Variants in DNAJC2 observed in about 807,000 individuals in gnomAD.
DNAJC2 encodes dnaJ homolog subfamily C member 2.
DNAJC2 carries 32 observed loss-of-function variants against 94.0 expected under a neutral mutation model. The ratio of observed to expected loss-of-function variants is 0.34; its 90% CI spans 0.26 to 0.46. The LOEUF (loss-of-function observed/expected upper bound fraction) is 0.46, where lower values mean the gene tolerates loss of function less well. DNAJC2 is among the 20% of genes least tolerant of loss of function. DNAJC2 has a pLI of 1.00. For synonymous variants in DNAJC2, 210 were observed against 229.7 expected (o/e 0.91, Z 0.77); for missense variants, 550 against 719.5 (o/e 0.76, Z 2.69).
chr7:103,337,874 G>A, intron 2 of DNAJC2, 63 bp from the exon 3 acceptor site: 1 of 1,197,544 alleles, frequency 8.4e-7, no homozygotes, highest in Non-Finnish European at 1.2e-6. Context: ...CATCCCTTGT[G>A]TTCTGGTACC....
At chr7:103,318,799 TA>T (rs1222345027) in intron 12 of DNAJC2, among the ~76,000 whole-genome samples, 1 of 152,212 alleles carries the variant, frequency 6.6e-6, no homozygotes, top group Non-Finnish European at 1.5e-5. Context: ...TCAAAACAAT[TA>T]TTTTTTTCTA....
At chr7:103,317,849 T>C (rs1818156889) in intron 12 of DNAJC2, among the ~76,000 whole-genome samples, 1 of 152,132 alleles carries the variant, frequency 6.6e-6, no homozygotes, top group Non-Finnish European at 1.5e-5. Flanking sequence ...TGGGGTTTCA[T>C]CATGTTGGCC....
intron 1 of DNAJC2, among the ~76,000 whole-genome samples, chr7:103,342,388 C>A (rs921266936): frequency 6.6e-6 from 1 of 151,612 alleles, no homozygotes; most frequent in African/African-American, 2.4e-5. Flanking sequence ...TCAATGCCGT[C>A]TCCACCTCCC....
intron 12 of DNAJC2, among the ~76,000 whole-genome samples, chr7:103,319,079 G>C (rs574361935): frequency 6.6e-6 from 1 of 152,178 alleles, no homozygotes; most frequent in South Asian, 2.1e-4. Flanking sequence ...GGGCATGGTG[G>C]CACACACCTG....
At chr7:103,343,317 A>C (rs1216179883) in intron 1 of DNAJC2, among the ~76,000 whole-genome samples, 1 of 152,244 alleles carries the variant, frequency 6.6e-6, no homozygotes, top group African/African-American at 2.4e-5. Flanking sequence ...AACTGTCTTA[A>C]TTATTAAAAT....
intron 3 of DNAJC2, among the ~76,000 whole-genome samples, chr7:103,332,365 T>G (rs1190413520): frequency 6.6e-6 from 1 of 152,212 alleles, no homozygotes; most frequent in Non-Finnish European, 1.5e-5. Context: ...TAATAGGAAT[T>G]GTTTGTAGGA....
chr7:103,340,034 C>T (rs1303866275), intron 2 of DNAJC2, among the ~76,000 whole-genome samples: 1 of 152,158 alleles, frequency 6.6e-6, no homozygotes, highest in Non-Finnish European at 1.5e-5. Flanking sequence ...GATGGGGTTT[C>T]ACCATGTTGG....
chr7:103,314,145 G>A (rs2115754535), intron 15 of DNAJC2: 1 of 985,390 alleles, frequency 1.0e-6, no homozygotes. Context: ...TTAAGTTCTA[G>A]GAAGTCTTTT....
At chr7:103,321,826 C>T (rs539679086) in intron 10 of DNAJC2, 106 bp downstream of exon 10, 31 of 1,308,124 alleles carry the variant, frequency 2.4e-5, no homozygotes, top group African/African-American at 1.2e-4. Flanking sequence ...CCAGCCTGGG[C>T]GACAGAGCGA....
rs771593788 is a variant in DNAJC2 at position 103,344,671 on chromosome 7, G to T, written c.-49C>A. 2 of 1,591,922 alleles carry T rather than the reference G, an allele frequency of 1.3e-6. 1 individual carries two copies. Among genetic ancestry groups the T allele is most frequent in the South Asian group, 2.2e-5 (2 of 90,706 alleles). ...GGGCGCAGCGGCTCACGTCCCGGGC[G>T]GAGGGCGCTTAGGGTCCCCTCCAGC... is the stretch of plus-strand genomic sequence containing the variant. On this transcript the variant is annotated 5_prime_UTR_variant, in exon 1 of 17. Coordinates refer to ENST00000379263, the MANE Select transcript of DNAJC2 (RefSeq NM_014377.3).
intron 12 of DNAJC2, 123 bp downstream of exon 12, chr7:103,319,486 G>C (rs1818262123): frequency 1.0e-6 from 1 of 981,494 alleles, no homozygotes; most frequent in Non-Finnish European, 1.5e-6. Context: ...CAACAAAACA[G>C]TGGGAAACAT....
chr7:103,337,698 C>G, intron 3 of DNAJC2, 38 bp downstream of exon 3: 1 of 1,504,890 alleles, frequency 6.6e-7, no homozygotes. Context: ...TGTTCCTATA[C>G]AAGATATTTG....
chr7:103,341,731 T>C, intron 2 of DNAJC2, 33 bp downstream of exon 2: 1 of 1,495,684 alleles, frequency 6.7e-7, no homozygotes, highest in Non-Finnish European at 9.0e-7. Flanking sequence ...TAACAAAGCA[T>C]CTGACTGAAC....
chr7:103,333,734 G>T (rs957015101), intron 3 of DNAJC2, among the ~76,000 whole-genome samples: 1 of 152,190 alleles, frequency 6.6e-6, no homozygotes, highest in Non-Finnish European at 1.5e-5. Flanking sequence ...TGAGCTTCAA[G>T]TAGATGTAAC....
At chr7:103,317,216 A>T (rs1018220663) in intron 12 of DNAJC2, 3 of 532,092 alleles carry the variant, frequency 5.6e-6, no homozygotes, top group African/African-American at 3.8e-5. Context: ...GGGACCAAGA[A>T]CTGCCCACAG....
intron 2 of DNAJC2, among the ~76,000 whole-genome samples, chr7:103,341,356 T>C (rs1819366347): frequency 6.6e-6 from 1 of 152,212 alleles, no homozygotes; most frequent in African/African-American, 2.4e-5. Context: ...TTTGGTCTAG[T>C]GTCCTTTTAA....
In DNAJC2 at chr7:103,341,870, A is replaced by G. The variant is rs759028587; in HGVS notation, c.149T>C (p.Phe50Ser). ...KRRNRNASAS[F>S]QELEDKKELS... is the part of the protein sequence containing the mutation. ...CTCTTTCTTATCCTCCAGTTCCTGAAAAGAGGCAGAAGCATTTCTGTTTCT... is the reference window on the plus strand; with the variant it reads ...CTCTTTCTTATCCTCCAGTTCCTGAGAAGAGGCAGAAGCATTTCTGTTTCT... The change falls in exon 2 of 17, where the codon TTT becomes TCT. Residue 50 changes from phenylalanine to serine, a missense_variant. Coordinates refer to ENST00000379263, the MANE Select transcript of DNAJC2 (RefSeq NM_014377.3). 3.7e-6 allele frequency: 6 copies of G among 1,613,240 alleles called. No individual in the cohort carries two copies. Among genetic ancestry groups the G allele is most frequent in the Non-Finnish European group, 4.2e-6 (5 of 1,179,798 alleles).
intron 5 of DNAJC2, 47 bp from the exon 6 acceptor site, chr7:103,324,609 A>C (rs762838289): frequency 7.5e-7 from 1 of 1,339,852 alleles, no homozygotes; most frequent in Non-Finnish European, 1.0e-6. Flanking sequence ...AAAATTATGT[A>C]CAACAGTTCA....
chr7:103,316,399 C>T (rs1818057291), intron 13 of DNAJC2: 1 of 230,242 alleles, frequency 4.3e-6, no homozygotes, highest in Non-Finnish European at 8.3e-6. Context: ...GAAGATCAAT[C>T]ATTCTGAAAA....
Sources: gnomAD v4.1 joint callset for allele counts (sites outside exome capture counted in the v4.1 genomes callset) on GRCh38, gnomAD v4.1.1 for gene constraint, MANE v1.5 for transcripts, NCBI Gene and HGNC (gene_info 2026-07-23, HGNC 2026-07-21) for gene names.